Variants in BCAS1 observed in about 807,000 individuals in gnomAD.
BCAS1 encodes breast carcinoma-amplified sequence 1.
BCAS1 carries 46 observed loss-of-function variants against 65.4 expected under a neutral mutation model. That is an observed-to-expected ratio of 0.70 (90% confidence interval 0.55 to 0.90). The LOEUF is 0.90. Ranked by LOEUF, BCAS1 falls within the 40% of genes least tolerant of loss-of-function variation. The pLI is 0.00. For synonymous variants in BCAS1, 298 were observed against 293.5 expected, an observed-to-expected ratio of 1.02 and a Z score of -0.16; for missense variants, 793 against 771.2, an observed-to-expected ratio of 1.03 and a Z score of -0.33.
chr20:54,058,113 C>G lies in BCAS1; in HGVS notation c.114G>C (p.Ser38=), dbSNP rs1371445563. 1.2e-6 allele frequency: 2 copies of G among 1,613,674 alleles called. No homozygotes were observed. The highest frequency in any genetic ancestry group is 1.7e-6 in the Non-Finnish European group (2 of 1,179,944). ...SALNGVPVVV[S]THTVQHLEEV... is the part of the protein sequence containing the mutation. ...CCTCTAAGTGCTGAACTGTGTGGGT[C>G]GACACCACCACTGGAACCCCGTTCA... The change falls in exon 3 of 13, where the codon TCG becomes TCC. Residue 38 remains serine (S), a synonymous_variant. Transcript: ENST00000688948.
chr20:53,958,100 TCTGGAGACCCAGG>T (rs1195854497), intron 10 of BCAS1, among the ~76,000 whole-genome samples: 6 of 152,006 alleles, frequency 3.9e-5, no homozygotes, highest in Non-Finnish European at 7.4e-5. Flanking sequence ...AAAGGCAAAT[TCTGGAGACCCAGG>T]CTGGATCTAA....
At chr20:54,041,790 T>C (rs549838380) in intron 3 of BCAS1, among the ~76,000 whole-genome samples, 3 of 150,778 alleles carry the variant, frequency 2.0e-5, no homozygotes, top group African/African-American at 4.9e-5. Context: ...TCTCAGCTAC[T>C]TGGGAGGCGG....
At chr20:53,970,253 C>G (rs549186826) in intron 9 of BCAS1, among the ~76,000 whole-genome samples, 4 of 152,264 alleles carry the variant, frequency 2.6e-5, no homozygotes, top group Non-Finnish European at 4.4e-5. Context: ...GGCCACAAGT[C>G]CATTCTCCAG....
At chr20:53,954,443 G>A (rs1230502860) in intron 11 of BCAS1, among the ~76,000 whole-genome samples, 2 of 152,112 alleles carry the variant, frequency 1.3e-5, no homozygotes, top group Admixed American at 6.5e-5. Flanking sequence ...GCAACCACAT[G>A]CGAGTGTTTT....
rs1245639864 is a variant in BCAS1, at chr20:53,954,793, G to A, written c.1552-1098C>T. The stretch of plus-strand genomic sequence containing the variant: ...TCAAGCAAGGCTGGCTTTGATGTTG[G>A]GGAGAAAATTTAGAGCAGGGGAGAC... On this transcript the variant is annotated intron_variant, in intron 11 of 12. Transcript: ENST00000688948. Among the ~76,000 whole-genome samples, 4 of 152,176 alleles carry A rather than the reference G, an allele frequency of 2.6e-5. No homozygotes were observed. The East Asian group carries it at 7.7e-4, about 29-fold the overall frequency.
chr20:54,032,451 C>T lies in BCAS1; in HGVS notation c.143-3479G>A, dbSNP rs1408580187. On this transcript the variant is annotated intron_variant, in intron 3 of 12. Transcript: ENST00000688948. ...AAATAACCAGCCAACATCATGATGA[C>T]GGTATCAAATCGACACATAGCAACA... 2.6e-5 allele frequency among the ~76,000 whole-genome samples: 4 copies of T among 151,214 alleles called. 1 individual carries two copies. The highest frequency in any genetic ancestry group is 4.2e-4 in the South Asian group (2 of 4,788).
chr20:53,956,030 C>A (rs954063491), intron 11 of BCAS1, among the ~76,000 whole-genome samples: 2 of 152,142 alleles, frequency 1.3e-5, no homozygotes, highest in African/African-American at 4.8e-5. Flanking sequence ...TCATTACCGT[C>A]CATTTGTGAG....
chr20:54,059,246 G>T (rs2092346491), intron 1 of BCAS1, among the ~76,000 whole-genome samples: 1 of 152,130 alleles, frequency 6.6e-6, no homozygotes, highest in South Asian at 2.1e-4. Flanking sequence ...ATAGAAAGGA[G>T]ATTTTGGACT....
intron 3 of BCAS1, among the ~76,000 whole-genome samples, chr20:54,045,359 TA>T (rs1012185527): frequency 4.6e-5 from 7 of 152,052 alleles, no homozygotes; most frequent in African/African-American, 9.7e-5. Context: ...ATTGTAGCTT[TA>T]AAAAAAATGA....
chr20:54,046,145 TA>T (rs1326450580), intron 3 of BCAS1, among the ~76,000 whole-genome samples: 1 of 152,216 alleles, frequency 6.6e-6, no homozygotes, highest in Non-Finnish European at 1.5e-5. Context: ...AAATGCATAC[TA>T]ATAGTTATTT....
At chr20:53,965,020 A>G (rs551642971) in intron 10 of BCAS1, among the ~76,000 whole-genome samples, 7 of 152,296 alleles carry the variant, frequency 4.6e-5, no homozygotes, top group African/African-American at 1.7e-4. Context: ...TGCCGGAAAC[A>G]GGCCAAATGT....
intron 3 of BCAS1, among the ~76,000 whole-genome samples, chr20:54,030,258 T>C (rs1312367074): frequency 1.3e-5 from 2 of 152,238 alleles, no homozygotes; most frequent in African/African-American, 2.4e-5. Flanking sequence ...ACTGATAAGC[T>C]GTGTGATATG....
chr20:53,957,592 A>C, intron 10 of BCAS1, 95 bp from the exon 11 acceptor site: 1 of 1,217,220 alleles, frequency 8.2e-7, no homozygotes, highest in Non-Finnish European at 1.2e-6. Context: ...GTCATTTATC[A>C]TTGAGGTTTG....
At chr20:53,957,852 C>T (rs2145554694) in intron 10 of BCAS1, among the ~76,000 whole-genome samples, 1 of 151,194 alleles carries the variant, frequency 6.6e-6, no homozygotes, top group East Asian at 1.9e-4. Flanking sequence ...TAGCCTTCCA[C>T]TGGGAATATT....
chr20:54,024,420 T>G (rs2091626584), intron 4 of BCAS1, among the ~76,000 whole-genome samples: 1 of 152,146 alleles, frequency 6.6e-6, no homozygotes, highest in African/African-American at 2.4e-5. Flanking sequence ...CACATTAGGG[T>G]TGAGATACTC....
chr20:54,005,900 G>C (rs1260497178), intron 4 of BCAS1, among the ~76,000 whole-genome samples: 1 of 152,182 alleles, frequency 6.6e-6, no homozygotes, highest in Non-Finnish European at 1.5e-5. Flanking sequence ...GGAGGGTTTA[G>C]GGGGCAGGTT....
intron 4 of BCAS1, among the ~76,000 whole-genome samples, chr20:54,010,622 T>C (rs1313523207): frequency 6.6e-6 from 1 of 152,150 alleles, no homozygotes; most frequent in Non-Finnish European, 1.5e-5. Context: ...ACACACAATG[T>C]TCATGGATTG....
chr20:54,064,646 A>G (rs1032358232), intron 1 of BCAS1, among the ~76,000 whole-genome samples: 7 of 152,160 alleles, frequency 4.6e-5, no homozygotes, highest in African/African-American at 1.7e-4. Flanking sequence ...GCTCTCCTGC[A>G]TCTCTGGGGT....
At chr20:53,980,027 T>C (rs1034586775) in intron 8 of BCAS1, among the ~76,000 whole-genome samples, 2 of 152,148 alleles carry the variant, frequency 1.3e-5, no homozygotes, top group African/African-American at 4.8e-5. Flanking sequence ...TGCTAACTAA[T>C]AGGTTATATT....
Sources: gnomAD v4.1 joint callset for allele counts (sites outside exome capture counted in the v4.1 genomes callset) on GRCh38, gnomAD v4.1.1 for gene constraint, MANE v1.5 for transcripts, NCBI Gene and HGNC (gene_info 2026-07-23, HGNC 2026-07-21) for gene names.